The following IQGAP2 variants were observed in gnomAD, a reference collection of about 807,000 sequenced individuals.
IQGAP2 encodes the protein IQ motif containing GTPase activating protein 2, also known as ras GTPase-activating-like protein IQGAP2.
IQGAP2 carries 173 observed loss-of-function variants against 201.3 expected under a neutral mutation model. The ratio of observed to expected loss-of-function variants is 0.86; its 90% CI spans 0.76 to 0.98. The LOEUF (loss-of-function observed/expected upper bound fraction) is 0.98, where lower values mean the gene tolerates loss of function less well. Ranked by LOEUF, IQGAP2 falls within the 50% of genes least tolerant of loss-of-function variation. The pLI is 0.00. For synonymous variants in IQGAP2, 675 were observed against 673.9 expected (o/e 1.00, Z -0.03); for missense variants, 1,687 against 1,864.8 (o/e 0.90, Z 1.76).
At chr5:76,597,205 C>T (rs1747093265) in intron 9 of IQGAP2, 1 of 528,590 alleles carries the variant, frequency 1.9e-6, no homozygotes, top group African/African-American at 1.9e-5. Context: ...GGAATGATCT[C>T]ATACCCTAAG....
chr5:76,485,895 G>A (rs1027536022), intron 2 of IQGAP2, among the ~76,000 whole-genome samples: 5 of 152,214 alleles, frequency 3.3e-5, no homozygotes, highest in African/African-American at 1.2e-4. Flanking sequence ...TTTTAACTTT[G>A]AGTCTTAATT....
intron 30 of IQGAP2, among the ~76,000 whole-genome samples, chr5:76,688,359 A>G (rs182364025): frequency 6.6e-6 from 1 of 152,334 alleles, no homozygotes; most frequent in Non-Finnish European, 1.5e-5. Context: ...ACTCATCTTC[A>G]TGGAGGCCCC....
intron 2 of IQGAP2, among the ~76,000 whole-genome samples, chr5:76,476,583 G>C (rs1373844876): frequency 6.6e-6 from 1 of 152,132 alleles, no homozygotes; most frequent in Non-Finnish European, 1.5e-5. Context: ...GAAGGAGTGA[G>C]TAGGCTTGGG....
At chr5:76,642,640 G>A (rs1751680958) in intron 17 of IQGAP2, among the ~76,000 whole-genome samples, 1 of 152,256 alleles carries the variant, frequency 6.6e-6, no homozygotes, top group South Asian at 2.1e-4. Context: ...AAAGTGGCTG[G>A]TTCACCTTCA....
At chr5:76,610,564 TC>T (rs1438283805) in intron 12 of IQGAP2, among the ~76,000 whole-genome samples, 4 of 119,512 alleles carry the variant, frequency 3.3e-5, no homozygotes, top group Non-Finnish European at 6.6e-5. Flanking sequence ...CAAGAATCTC[TC>T]AAAAAAAAAA....
At chr5:76,537,831 G>T (rs1759715325) in intron 2 of IQGAP2, among the ~76,000 whole-genome samples, 1 of 152,106 alleles carries the variant, frequency 6.6e-6, no homozygotes, top group South Asian at 2.1e-4. Context: ...GTCAGACTTT[G>T]TTGGAATCCT....
rs544325185 is a variant in IQGAP2 at position 76,508,050 on chromosome 5, G to C, written c.146+46381G>C. On this transcript the variant is annotated intron_variant, in intron 2 of 35. Coordinates refer to ENST00000274364, the MANE Select transcript of IQGAP2 (RefSeq NM_006633.5). ...AAATGGGCCAAAGATATGAACAGGG[G>C]CTGGGTGCAGTGGCTCACACCTGTA... 2.6e-3 allele frequency among the ~76,000 whole-genome samples: 384 copies of C among 147,458 alleles called. 1 individual carries two copies. Among genetic ancestry groups the C allele is most frequent in the Non-Finnish European group, 4.5e-3 (303 of 66,996 alleles).
Position 76,668,836 on chromosome 5 carries a change from A to C in IQGAP2, c.2835A>C (p.Glu945Asp). The C allele has an allele frequency of 6.3e-7, 1 of 1,585,174 alleles. No homozygotes were observed. The highest frequency in any genetic ancestry group is 8.6e-7 in the Non-Finnish European group (1 of 1,163,924). The change falls in exon 23 of 36, where the codon GAA (glutamate) becomes GAC (aspartate). Residue 945 changes from glutamate (E) to aspartate (D), a missense_variant. Transcript: ENST00000274364. Reference sequence around the variant, plus strand: ...AGCTTTTTAAAACTGCTCTGGAGGAAGAAATAAAGTATGTATACAAATATG... The same window carrying C: ...AGCTTTTTAAAACTGCTCTGGAGGACGAAATAAAGTATGTATACAAATATG... ...LLKLFKTALE[E>D]EIKSKVDQVQ...
At chr5:76,424,136 G>T (rs1751873067) in intron 1 of IQGAP2, among the ~76,000 whole-genome samples, 1 of 152,084 alleles carries the variant, frequency 6.6e-6, no homozygotes, top group African/African-American at 2.4e-5. Flanking sequence ...CAAAAACAGA[G>T]ACCCAAATTT....
chr5:76,415,296 G>C (rs971089578), intron 1 of IQGAP2, among the ~76,000 whole-genome samples: 2 of 152,232 alleles, frequency 1.3e-5, no homozygotes. Flanking sequence ...TATCCCCACT[G>C]TCTGGTACAT....
At chr5:76,597,735 C>G (rs1437861814) in intron 10 of IQGAP2, 133 bp downstream of exon 10, 13 of 816,982 alleles carry the variant, frequency 1.6e-5, no homozygotes, top group Non-Finnish European at 1.9e-6. Flanking sequence ...CACTGGCCCA[C>G]CTGTACCAAT....
intron 1 of IQGAP2, among the ~76,000 whole-genome samples, chr5:76,439,901 A>G (rs962044098): frequency 1.3e-5 from 2 of 152,168 alleles, no homozygotes; most frequent in African/African-American, 2.4e-5. Flanking sequence ...GCTGATTGTT[A>G]CCTAGATACT....
rs72775801 is a variant in IQGAP2, at chr5:76,544,690, A to T, written c.147-17706A>T. ...AGTGGTTGCTTAATTAAGTGCTTTA[A>T]TTTTTTTTGGTCATATATACACGTG... On this transcript the variant is annotated intron_variant, in intron 2 of 35. Coordinates refer to ENST00000274364, the MANE Select transcript of IQGAP2 (RefSeq NM_006633.5). 2.5e-4 allele frequency among the ~76,000 whole-genome samples: 38 copies of T among 151,836 alleles called. 1 individual carries two copies. Among genetic ancestry groups the T allele is most frequent in the Admixed American group, 2.3e-3 (35 of 15,244 alleles).
At chr5:76,536,488 G>A (rs577734272) in intron 2 of IQGAP2, among the ~76,000 whole-genome samples, 3 of 151,882 alleles carry the variant, frequency 2.0e-5, no homozygotes, top group African/African-American at 4.8e-5. Context: ...AGCCGGGCAC[G>A]GTGGCTCACG....
intron 35 of IQGAP2, among the ~76,000 whole-genome samples, chr5:76,706,283 C>T (rs1432467004): frequency 2.0e-5 from 3 of 152,090 alleles, no homozygotes; most frequent in Non-Finnish European, 4.4e-5. Flanking sequence ...CAGTGAATGT[C>T]TTGCTCACTT....
intron 2 of IQGAP2, among the ~76,000 whole-genome samples, chr5:76,477,414 A>C (rs1434764574): frequency 6.6e-6 from 1 of 152,212 alleles, no homozygotes; most frequent in Non-Finnish European, 1.5e-5. Flanking sequence ...ATGTTTTGGT[A>C]ATAGTTATGT....
intron 31 of IQGAP2, among the ~76,000 whole-genome samples, chr5:76,694,855 TATTC>T (rs1210110456): frequency 1.3e-5 from 2 of 152,188 alleles, no homozygotes; most frequent in Non-Finnish European, 2.9e-5. Flanking sequence ...ATCCAAAGAG[TATTC>T]ATTCATTCAT....
chr5:76,697,840 T>G, intron 32 of IQGAP2, 147 bp from the exon 33 acceptor site: 15 of 565,706 alleles, frequency 2.7e-5, no homozygotes, highest in Non-Finnish European at 3.5e-5. Context: ...CCTGTGGTGT[T>G]GAGAGTAAAA....
intron 13 of IQGAP2, chr5:76,623,309 T>C: frequency 6.5e-7 from 1 of 1,530,440 alleles, no homozygotes; most frequent in Non-Finnish European, 9.0e-7. Context: ...CAGTTCCATG[T>C]GTCAGCAGCA....
Sources: allele counts gnomAD v4.1 joint callset (sites outside exome capture counted in the v4.1 genomes callset), GRCh38; gene constraint gnomAD v4.1.1; transcripts MANE v1.5; gene names NCBI Gene and HGNC (gene_info 2026-07-23, HGNC 2026-07-21).